The following PPP3CC variants were observed in gnomAD, a reference collection of about 807,000 sequenced individuals.
The protein encoded by PPP3CC is protein phosphatase 3 catalytic subunit gamma, also known as serine/threonine-protein phosphatase 2B catalytic subunit gamma isoform.
A neutral mutation model predicts 60.3 loss-of-function variants in PPP3CC; 35 were observed. That is an observed-to-expected ratio of 0.58 (90% CI 0.44 to 0.77). The LOEUF (loss-of-function observed/expected upper bound fraction) is 0.77, where lower values mean the gene tolerates loss of function less well. Among genes scored for constraint, PPP3CC ranks in the 30% least tolerant of loss-of-function variants. PPP3CC has a pLI of 0.00. For synonymous variants in PPP3CC, 206 were observed against 224.3 expected (o/e 0.92, Z 0.73); for missense variants, 570 against 628.9 (o/e 0.91, Z 1.00).
At chr8:22,493,050 G>C in intron 3 of PPP3CC, 1 of 1,427,292 alleles carries the variant, frequency 7.0e-7, no homozygotes, top group Non-Finnish European at 9.8e-7. Flanking sequence ...AGCTCTTGTG[G>C]AGAATTTTGA....
At chr8:22,442,122 G>C (rs374931808) in intron 1 of PPP3CC, among the ~76,000 whole-genome samples, 1 of 152,144 alleles carries the variant, frequency 6.6e-6, no homozygotes, top group Non-Finnish European at 1.5e-5. Context: ...AAAATGTAAA[G>C]GGCTCTTTGC....
At chr8:22,465,121 C>T (rs543368989) in intron 1 of PPP3CC, among the ~76,000 whole-genome samples, 10 of 151,900 alleles carry the variant, frequency 6.6e-5, no homozygotes, top group Non-Finnish European at 1.3e-4. Context: ...CCACATTCGG[C>T]TAATTTTTGT....
At chr8:22,442,693 G>T (rs559480471) in intron 1 of PPP3CC, among the ~76,000 whole-genome samples, 1 of 152,152 alleles carries the variant, frequency 6.6e-6, no homozygotes, top group Non-Finnish European at 1.5e-5. Flanking sequence ...CCATTTAAAT[G>T]TGTCTTCATA....
intron 2 of PPP3CC, 51 bp downstream of exon 2, chr8:22,475,202 C>G: frequency 6.7e-7 from 1 of 1,488,352 alleles, no homozygotes; most frequent in Non-Finnish European, 9.2e-7. Flanking sequence ...TTTGCATGAG[C>G]AGTTTTGAGA....
At chr8:22,455,246 T>A (rs1292092076) in intron 1 of PPP3CC, among the ~76,000 whole-genome samples, 1 of 152,144 alleles carries the variant, frequency 6.6e-6, no homozygotes, top group Non-Finnish European at 1.5e-5. Context: ...ACTTGAAAAG[T>A]ACTCATGCGG....
intron 3 of PPP3CC, among the ~76,000 whole-genome samples, chr8:22,477,835 A>ATATTTATTTATTTATTTATTTATTTATT (rs373116798): frequency 1.3e-5 from 2 of 151,366 alleles, no homozygotes; most frequent in African/African-American, 4.9e-5. Flanking sequence ...AACTTTTAAA[A>ATATTTATTTATTTATTTATTTATTTATT]TATTTATTTA....
chr8:22,518,749 C>T (rs150311675), intron 6 of PPP3CC, among the ~76,000 whole-genome samples: 2,130 of 152,194 alleles, frequency 0.014, 22 homozygotes, highest in African/African-American at 0.028. Flanking sequence ...TATAGTGGCG[C>T]GACCTCGGCT....
intron 3 of PPP3CC, among the ~76,000 whole-genome samples, chr8:22,477,361 C>T (rs1586813684): frequency 6.6e-6 from 1 of 151,860 alleles, no homozygotes; most frequent in South Asian, 2.1e-4. Flanking sequence ...CCTGTAATCC[C>T]AGCTACTTGA....
At position 22,486,732 on chromosome 8, in the gene PPP3CC, GTT is replaced by G. The variant is rs35858964; in HGVS notation, c.372+11122_372+11123del. Among the ~76,000 whole-genome samples the G allele has an allele frequency of 4.3e-3, 576 of 134,094 alleles. 4 individuals are homozygous for G. Among genetic ancestry groups the G allele is most frequent in the African/African-American group, 0.015 (540 of 37,016 alleles). The allele number at this position is 134,094 out of a possible 152,430, so 88.0% of individuals were successfully genotyped here. A position where few individuals can be genotyped will look rare whatever the true frequency, so the allele number is the denominator to read the frequency against. On this transcript the variant is annotated intron_variant, in intron 3 of 13. Transcript: ENST00000240139. ...CCAGACTTGATGTGTTTTTTGTTTT[GTT>G]TTTTTTTTTTTTTGGGACGGAGTCT...
intron 4 of PPP3CC, among the ~76,000 whole-genome samples, chr8:22,502,571 G>A (rs982300809): frequency 6.6e-6 from 1 of 152,052 alleles, no homozygotes; most frequent in African/African-American, 2.4e-5. Flanking sequence ...GCCTATAGTT[G>A]CAGCTACTTG....
intron 6 of PPP3CC, among the ~76,000 whole-genome samples, chr8:22,514,898 G>A (rs1839201606): frequency 6.6e-6 from 1 of 151,652 alleles, no homozygotes; most frequent in Non-Finnish European, 1.5e-5. Flanking sequence ...GGCTAGTTTG[G>A]AACTCCTAAC....
intron 5 of PPP3CC, among the ~76,000 whole-genome samples, chr8:22,511,801 G>A (rs895745645): frequency 8.5e-5 from 13 of 152,094 alleles, no homozygotes; most frequent in East Asian, 5.8e-4. Context: ...GAATTATATC[G>A]CAGTGCAAAA....
intron 3 of PPP3CC, among the ~76,000 whole-genome samples, chr8:22,475,902 G>A (rs912666893): frequency 6.6e-6 from 1 of 152,140 alleles, no homozygotes; most frequent in African/African-American, 2.4e-5. Context: ...TAGTATACAG[G>A]ATTGTATAAA....
At chr8:22,448,358 A>G (rs1224038593) in intron 1 of PPP3CC, among the ~76,000 whole-genome samples, 1 of 151,562 alleles carries the variant, frequency 6.6e-6, no homozygotes, top group African/African-American at 2.4e-5. Flanking sequence ...TGTATATATT[A>G]GACGGTATTA....
intron 3 of PPP3CC, among the ~76,000 whole-genome samples, chr8:22,482,025 T>C (rs959991001): frequency 2.0e-5 from 3 of 152,220 alleles, no homozygotes; most frequent in Admixed American, 1.3e-4. Context: ...AGTAGAATGA[T>C]TTATAATCCT....
chr8:22,480,847 C>G (rs1327956966), intron 3 of PPP3CC, among the ~76,000 whole-genome samples: 2 of 152,180 alleles, frequency 1.3e-5, no homozygotes, highest in Non-Finnish European at 2.9e-5. Context: ...TGTAATCCCA[C>G]TGCTTTGGGA....
intron 8 of PPP3CC, among the ~76,000 whole-genome samples, chr8:22,525,491 C>CTTCTTTCTTTCTTTCTTCT (rs1839520936): frequency 1.6e-5 from 2 of 128,550 alleles, no homozygotes; most frequent in African/African-American, 6.1e-5. Flanking sequence ...GCTTCCTTTT[C>CTTCTTTCTTTCTTTCTTCT]TTCTTTCTTT....
intron 3 of PPP3CC, among the ~76,000 whole-genome samples, chr8:22,489,679 TTATATATAAG>T (rs1206928500): frequency 3.6e-5 from 3 of 83,234 alleles, no homozygotes; most frequent in Middle Eastern, 6.3e-3. Flanking sequence ...TAAGTATATA[TTATATATAAG>T]TATATATTAT....
Position 22,540,717 on chromosome 8 carries a change from A to G in PPP3CC, c.1454A>G (p.His485Arg). Residue 485 changes from histidine (H) to arginine (R), a missense_variant, in exon 14 of 14, where the codon CAC (histidine) becomes CGC (arginine). Physicochemically the swap from His to Arg is conservative, Grantham distance 29. Coordinates refer to ENST00000240139, the MANE Select transcript of PPP3CC (RefSeq NM_005605.5). ...ATGCCACCCCGAAAGGATAGCATAC[A>G]CGCTGGTGGGCCAATGAAATCTGTA... is the stretch of plus-strand genomic sequence containing the variant. ...ERMPPRKDSI[H>R]AGGPMKSVTS... 6.2e-7 allele frequency: 1 copy of G among 1,614,204 alleles called. No homozygotes were observed. Among genetic ancestry groups the G allele is most frequent in the Non-Finnish European group, 8.5e-7 (1 of 1,180,036 alleles).
Sources: gnomAD v4.1 joint callset for allele counts (sites outside exome capture counted in the v4.1 genomes callset) on GRCh38, gnomAD v4.1.1 for gene constraint, MANE v1.5 for transcripts, NCBI Gene and HGNC (gene_info 2026-07-23, HGNC 2026-07-21) for gene names.